ANKRD33B: variants seen among roughly 807,000 people sequenced by gnomAD.
ANKRD33B encodes ankyrin repeat domain-containing protein 33B.
A neutral mutation model predicts 21.5 loss-of-function variants in ANKRD33B; 6 were observed. That is an observed-to-expected ratio of 0.28 (90% CI 0.15 to 0.55). The LOEUF is 0.55. Among genes scored for constraint, ANKRD33B ranks in the 20% least tolerant of loss-of-function variants. The probability of loss-of-function intolerance (pLI) is 0.94; values close to 1 mark genes in which losing one functional copy is unlikely to be tolerated. For missense variants in ANKRD33B, 698 were observed against 747.2 expected, an observed-to-expected ratio of 0.93 and a Z score of 0.77; for synonymous variants, 347 against 342.4, an observed-to-expected ratio of 1.01 and a Z score of -0.15.
chr5:10,613,337 T>G (rs975284145), intron 1 of ANKRD33B, among the ~76,000 whole-genome samples: 7 of 150,766 alleles, frequency 4.6e-5, no homozygotes, highest in Admixed American at 1.3e-4. Context: ...CAGGCTGGAG[T>G]GCAGTGGCAC....
At chr5:10,579,954 C>G (rs891866993) in intron 1 of ANKRD33B, among the ~76,000 whole-genome samples, 1 of 152,162 alleles carries the variant, frequency 6.6e-6, no homozygotes, top group African/African-American at 2.4e-5. Flanking sequence ...TCAGAAAGAA[C>G]CACATACCTT....
intron 1 of ANKRD33B, among the ~76,000 whole-genome samples, chr5:10,589,283 C>G (rs1302863810): frequency 6.6e-6 from 1 of 151,702 alleles, no homozygotes; most frequent in Non-Finnish European, 1.5e-5. Flanking sequence ...CCCCTCTTCT[C>G]TTTGGTCTTG....
At chr5:10,592,488 G>T (rs1263302881) in intron 1 of ANKRD33B, among the ~76,000 whole-genome samples, 1 of 149,472 alleles carries the variant, frequency 6.7e-6, no homozygotes, top group Non-Finnish European at 1.5e-5. Flanking sequence ...TTAGGTGGAC[G>T]TGGTGGCGGC....
chr5:10,615,138 T>G (rs1358974149), intron 1 of ANKRD33B, among the ~76,000 whole-genome samples: 1 of 152,076 alleles, frequency 6.6e-6, no homozygotes, highest in Non-Finnish European at 1.5e-5. Flanking sequence ...ACCCTGAGAG[T>G]GTCTCTCTTG....
intron 1 of ANKRD33B, among the ~76,000 whole-genome samples, chr5:10,608,831 T>A (rs1434200569): frequency 3.3e-5 from 5 of 152,158 alleles, no homozygotes; most frequent in African/African-American, 1.2e-4. Flanking sequence ...GAAAAACAAG[T>A]GGTGTCGAGA....
At chr5:10,618,189 C>A in intron 1 of ANKRD33B, 144 bp from the exon 2 acceptor site, 1 of 1,132,050 alleles carries the variant, frequency 8.8e-7, no homozygotes, top group Non-Finnish European at 1.2e-6. Context: ...CACTCTAAAC[C>A]ATCTCTGAGA....
chr5:10,641,834 T>C (rs1200546118), intron 3 of ANKRD33B, among the ~76,000 whole-genome samples: 1 of 152,088 alleles, frequency 6.6e-6, no homozygotes, highest in Non-Finnish European at 1.5e-5. Flanking sequence ...ACGAGTCCTA[T>C]CGATTGTACT....
intron 1 of ANKRD33B, among the ~76,000 whole-genome samples, chr5:10,583,153 C>T (rs897210961): frequency 1.3e-5 from 2 of 152,064 alleles, no homozygotes; most frequent in Non-Finnish European, 2.9e-5. Context: ...TATGCTACCA[C>T]GCCTGGGTAA....
At chr5:10,579,861 G>A (rs997630255) in intron 1 of ANKRD33B, among the ~76,000 whole-genome samples, 3 of 152,136 alleles carry the variant, frequency 2.0e-5, no homozygotes, top group South Asian at 4.1e-4. Flanking sequence ...CAATTTAACC[G>A]TTTAATGTCT....
intron 2 of ANKRD33B, among the ~76,000 whole-genome samples, chr5:10,620,737 C>T (rs1226577799): frequency 6.6e-6 from 1 of 152,178 alleles, no homozygotes; most frequent in African/African-American, 2.4e-5. Flanking sequence ...ATGATATGTC[C>T]TTGGTGTGTC....
At chr5:10,643,912 G>A (rs181233265) in intron 3 of ANKRD33B, among the ~76,000 whole-genome samples, 84 of 149,938 alleles carry the variant, frequency 5.6e-4, no homozygotes, top group African/African-American at 1.9e-3. Flanking sequence ...TAGAACTTAC[G>A]GAATATTTTC....
chr5:10,618,577 G>T, intron 2 of ANKRD33B, 115 bp downstream of exon 2: 2 of 1,371,394 alleles, frequency 1.5e-6, no homozygotes, highest in Non-Finnish European at 1.9e-6. Context: ...ACCATGTCCT[G>T]CTACCAAGGG....
chr5:10,586,998 TTTATTTA>T (rs1415251254), intron 1 of ANKRD33B, among the ~76,000 whole-genome samples: 12 of 150,760 alleles, frequency 8.0e-5, no homozygotes, highest in Non-Finnish European at 1.6e-4. Flanking sequence ...TTTTAGTGAT[TTTATTTA>T]TTATTTATTT....
At chr5:10,633,003 G>C (rs984449285) in intron 2 of ANKRD33B, among the ~76,000 whole-genome samples, 2 of 151,418 alleles carry the variant, frequency 1.3e-5, no homozygotes, top group African/African-American at 4.9e-5. Flanking sequence ...GGCCAGGCTG[G>C]TCTTGAACTC....
At chr5:10,622,395 T>C (rs764414721) in intron 2 of ANKRD33B, among the ~76,000 whole-genome samples, 5 of 152,190 alleles carry the variant, frequency 3.3e-5, no homozygotes, top group Non-Finnish European at 7.3e-5. Context: ...CAGACCTAAG[T>C]AAAAGCCCAT....
intron 2 of ANKRD33B, among the ~76,000 whole-genome samples, chr5:10,631,693 G>A (rs542367551): frequency 6.6e-6 from 1 of 152,308 alleles, no homozygotes; most frequent in African/African-American, 2.4e-5. Flanking sequence ...GGAGAAACAC[G>A]CAAGTGTGCA....
At position 10,657,097 on chromosome 5, in the gene ANKRD33B, T is replaced by C. The variant is rs2279324; in HGVS notation, c.*6984T>C. ...CTTAACACCAGTTTTTGAGCAGAAG[T>C]TCTAGAAGCTGATTTAGAACTACAC... On this transcript the variant is annotated 3_prime_UTR_variant, in exon 4 of 4. Coordinates refer to ENST00000296657, the MANE Select transcript of ANKRD33B (RefSeq NM_001164440.2). The C allele has an allele frequency of 0.33, 50,101 of 152,126 alleles. 8,269 individuals are homozygous for C. Among genetic ancestry groups the C allele is most frequent in the African/African-American group, 0.39 (16,134 of 41,428 alleles). The allele number at this position is 152,126 out of a possible 1,614,324, so 9.4% of individuals were successfully genotyped here.
chr5:10,624,436 T>A (rs577416791), intron 2 of ANKRD33B, among the ~76,000 whole-genome samples: 85 of 152,250 alleles, frequency 5.6e-4, no homozygotes, highest in Admixed American at 1.5e-3. Flanking sequence ...GGCCTTTTTT[T>A]TCTTTTTTAC....
chr5:10,570,328 G>A (rs945427970), intron 1 of ANKRD33B, among the ~76,000 whole-genome samples: 3 of 152,152 alleles, frequency 2.0e-5, no homozygotes, highest in South Asian at 2.1e-4. Context: ...TTGCTCATTC[G>A]TCTTCATTCA....
Sources: allele counts gnomAD v4.1 joint callset (sites outside exome capture counted in the v4.1 genomes callset), GRCh38; gene constraint gnomAD v4.1.1; transcripts MANE v1.5; gene names NCBI Gene and HGNC (gene_info 2026-07-23, HGNC 2026-07-21).